The following DCBLD1 variants were observed in gnomAD, a reference collection of about 807,000 sequenced individuals.
The protein encoded by DCBLD1 is discoidin, CUB and LCCL domain-containing protein 1.
A neutral mutation model predicts 71.5 loss-of-function variants in DCBLD1; 57 were observed. That is an observed-to-expected ratio of 0.80 (90% CI 0.64 to 0.99). The LOEUF (loss-of-function observed/expected upper bound fraction) is 0.99, where lower values mean the gene tolerates loss of function less well. Among genes scored for constraint, DCBLD1 ranks in the 50% least tolerant of loss-of-function variants. The probability of loss-of-function intolerance (pLI) is 0.00; values close to 1 mark genes in which losing one functional copy is unlikely to be tolerated. For synonymous variants in DCBLD1, 380 were observed against 363.8 expected (o/e 1.04, Z -0.51); for missense variants, 891 against 923.5 (o/e 0.96, Z 0.46).
At chr6:117,543,585 C>G (rs1779170957) in intron 12 of DCBLD1, among the ~76,000 whole-genome samples, 1 of 152,174 alleles carries the variant, frequency 6.6e-6, no homozygotes, top group South Asian at 2.1e-4. Context: ...CTCACCCAGG[C>G]TGGTCTCAAA....
chr6:117,490,219 A>G (rs1011786500), intron 1 of DCBLD1, among the ~76,000 whole-genome samples: 1 of 152,250 alleles, frequency 6.6e-6, no homozygotes, highest in Admixed American at 6.5e-5. Context: ...ATAAAGGTAT[A>G]AAGAACAACA....
At chr6:117,543,070 A>G (rs1210892054) in intron 11 of DCBLD1, 54 bp from the exon 12 acceptor site, 1 of 1,451,974 alleles carries the variant, frequency 6.9e-7, no homozygotes, top group East Asian at 2.3e-5. Flanking sequence ...TAAATCATGA[A>G]AAGTGGTTGT....
chr6:117,549,569 T>C lies in DCBLD1; in HGVS notation c.*1130T>C, dbSNP rs1050870853. ...TTTGCCAAAGAGGGAAGTGTGTGTG[T>C]TTTTTTAATAGAAAATATGGACCAA... is the stretch of plus-strand genomic sequence containing the variant. On this transcript the variant is annotated 3_prime_UTR_variant, in exon 15 of 15. Transcript: ENST00000338728. The C allele has an allele frequency of 1.0e-6, 1 of 985,244 alleles. No homozygotes were observed. The highest frequency in any genetic ancestry group is 1.2e-6 in the Non-Finnish European group (1 of 829,922). The allele number at this position is 985,244 out of a possible 1,614,324, so 61.0% of individuals were successfully genotyped here.
At chr6:117,512,672 A>T (rs1376807013) in intron 2 of DCBLD1, among the ~76,000 whole-genome samples, 2 of 151,986 alleles carry the variant, frequency 1.3e-5, no homozygotes, top group Non-Finnish European at 2.9e-5. Context: ...ACCCACATGT[A>T]CTCCCAGGGA....
chr6:117,510,140 C>T (rs766034789), intron 2 of DCBLD1, among the ~76,000 whole-genome samples: 8 of 152,126 alleles, frequency 5.3e-5, no homozygotes, highest in South Asian at 4.1e-4. Flanking sequence ...GCTAGCTTAG[C>T]GTTGATGCAT....
rs1457357153 is a variant in DCBLD1, at chr6:117,548,835, C to G, written c.*396C>G. 6 of 1,053,232 alleles carry G rather than the reference C, an allele frequency of 5.7e-6. No homozygotes were observed. In the East Asian group the frequency reaches 5.4e-4, roughly 95 times the overall value. The allele number at this position is 1,053,232 out of a possible 1,614,324, so 65.2% of individuals were successfully genotyped here. ...TGCACAGAGGTTAAGTGGGAAAATG[C>G]AGCTGTTGCAAAATGTATATAAATA... On this transcript the variant is annotated 3_prime_UTR_variant, in exon 15 of 15. Transcript: ENST00000338728.
chr6:117,563,354 T>C (rs1779625297), intron 14 of DCBLD1: 1 of 1,613,604 alleles, frequency 6.2e-7, no homozygotes, highest in Non-Finnish European at 8.5e-7. Flanking sequence ...TCCATTTTCA[T>C]GTGTGTCAGT....
intron 2 of DCBLD1, among the ~76,000 whole-genome samples, chr6:117,504,261 T>C (rs1214606668): frequency 2.0e-5 from 3 of 152,196 alleles, no homozygotes; most frequent in Admixed American, 2.0e-4. Context: ...TGGTAAACCA[T>C]CTATACAGTT....
chr6:117,563,105 A>G, intron 14 of DCBLD1: 1 of 664,042 alleles, frequency 1.5e-6, no homozygotes, highest in Non-Finnish European at 2.6e-6. Flanking sequence ...TTATGCATTG[A>G]GAATTGTTCA....
At chr6:117,568,101 AG>A (rs1267467871) in intron 14 of DCBLD1, among the ~76,000 whole-genome samples, 1 of 151,094 alleles carries the variant, frequency 6.6e-6, no homozygotes, top group Admixed American at 6.6e-5. Context: ...CAGGGGGCTG[AG>A]GTCGGAGGAT....
chr6:117,557,065 G>A (rs971534982), intron 14 of DCBLD1, among the ~76,000 whole-genome samples: 2 of 151,728 alleles, frequency 1.3e-5, no homozygotes, highest in Non-Finnish European at 2.9e-5. Flanking sequence ...TTACTTAGAC[G>A]CCAGAGGTAT....
chr6:117,540,615 C>A, intron 9 of DCBLD1, 53 bp from the exon 10 acceptor site: 3 of 1,602,276 alleles, frequency 1.9e-6, no homozygotes, highest in Non-Finnish European at 2.6e-6. Flanking sequence ...GGATGATAAA[C>A]ACCTAAAAAC....
At chr6:117,533,535 G>C (rs1209982388) in intron 6 of DCBLD1, among the ~76,000 whole-genome samples, 1 of 152,160 alleles carries the variant, frequency 6.6e-6, no homozygotes, top group Non-Finnish European at 1.5e-5. Flanking sequence ...TTATTTAAGT[G>C]TATTTTAGTT....
rs906457247 is a variant in DCBLD1, at chr6:117,559,301, G to A, written c.1616-10319G>A. ...AGCTGGAGTTGATTGGAGGCTGGAA[G>A]GCAATGAGATCACAATGGAGTTAAG... On this transcript the variant is annotated intron_variant, in intron 14 of 14. Transcript: ENST00000296955. Among the ~76,000 whole-genome samples the A allele has an allele frequency of 6.6e-5, 10 of 152,328 alleles. No homozygotes were observed. The East Asian group carries it at 7.7e-4, about 12-fold the overall frequency.
chr6:117,499,925 G>A (rs1234170092), intron 1 of DCBLD1, among the ~76,000 whole-genome samples: 1 of 152,236 alleles, frequency 6.6e-6, no homozygotes, highest in Non-Finnish European at 1.5e-5. Context: ...GGCTGAGGCA[G>A]GACAATCGCT....
downstream of DCBLD1, among the ~76,000 whole-genome samples, chr6:117,550,853 G>A (rs943144519): frequency 1.3e-5 from 2 of 152,208 alleles, no homozygotes. Context: ...GGTTCTGAGA[G>A]CAGTGTTTAC....
intron 5 of DCBLD1, among the ~76,000 whole-genome samples, chr6:117,530,389 C>T (rs752707863): frequency 6.6e-6 from 1 of 152,194 alleles, no homozygotes; most frequent in Non-Finnish European, 1.5e-5. Context: ...AGATTCCTCA[C>T]ATGCGCAGTT....
intron 1 of DCBLD1, among the ~76,000 whole-genome samples, chr6:117,488,693 A>G (rs1435508157): frequency 6.6e-6 from 1 of 152,212 alleles, no homozygotes. Flanking sequence ...GGAATCTCTG[A>G]GACCCTTTTA....
Position 117,548,578 on chromosome 6 carries a change from G to A in DCBLD1, c.*139G>A, listed in dbSNP as rs1461610072. The A allele has an allele frequency of 2.1e-5, 31 of 1,457,150 alleles. No individual in the cohort carries two copies. Among genetic ancestry groups the A allele is most frequent in the Non-Finnish European group, 3.6e-6 (4 of 1,109,932 alleles). The allele number at this position is 1,457,150 out of a possible 1,614,324, so 90.3% of individuals were successfully genotyped here. A position where few individuals can be genotyped will look rare whatever the true frequency, so the allele number is the denominator to read the frequency against. On this transcript the variant is annotated 3_prime_UTR_variant, in exon 15 of 15. Transcript: ENST00000338728. ...TGCATGTGTGTGTGTGATCCAGTAGGATCCTAGAGACAACCTGTCATACTG... is the reference window on the plus strand; with the variant it reads ...TGCATGTGTGTGTGTGATCCAGTAGAATCCTAGAGACAACCTGTCATACTG...
Sources: allele counts gnomAD v4.1 joint callset (sites outside exome capture counted in the v4.1 genomes callset), GRCh38; gene constraint gnomAD v4.1.1; transcripts MANE v1.5; gene names NCBI Gene and HGNC (gene_info 2026-07-23, HGNC 2026-07-21).